The following PCDHGA6 variants were observed in gnomAD, a reference collection of about 807,000 sequenced individuals.
PCDHGA6 encodes protocadherin gamma subfamily A, 6.
PCDHGA6 carries 41 observed loss-of-function variants against 60.6 expected under a neutral mutation model. The observed-to-expected ratio is 0.68, with a 90% CI of 0.53 to 0.88. The LOEUF is 0.88. Ranked by LOEUF, PCDHGA6 falls within the 40% of genes least tolerant of loss-of-function variation. PCDHGA6 has a pLI of 0.00. For synonymous variants in PCDHGA6, 594 were observed against 524.4 expected, an observed-to-expected ratio of 1.13 and a Z score of -1.81; for missense variants, 1,312 against 1,203.0, an observed-to-expected ratio of 1.09 and a Z score of -1.34.
At chr5:141,399,728 G>A in intron 1 of PCDHGA6, 1 of 1,613,276 alleles carries the variant, frequency 6.2e-7, no homozygotes, top group East Asian at 2.2e-5. Flanking sequence ...CGCGACCAGG[G>A]CTCGCCTGCG....
At chr5:141,429,387 T>TTA (rs775632416) in intron 1 of PCDHGA6, among the ~76,000 whole-genome samples, 40 of 151,448 alleles carry the variant, frequency 2.6e-4, no homozygotes, top group African/African-American at 7.0e-4. Context: ...GTTTTTTTTT[T>TTA]AAAAAAAATT....
At chr5:141,397,842 G>T (rs7703108) in intron 1 of PCDHGA6, 79,958 of 516,008 alleles carry the variant, frequency 0.15, 7,302 homozygotes, top group African/African-American at 0.31. Flanking sequence ...ACTTGAAGCC[G>T]CAGAGGCTGT....
At chr5:141,443,952 A>T (rs1355073040) in intron 1 of PCDHGA6, among the ~76,000 whole-genome samples, 4 of 152,134 alleles carry the variant, frequency 2.6e-5, no homozygotes, top group Non-Finnish European at 4.4e-5. Context: ...CCTTATTGGT[A>T]TGTATTCTGT....
intron 1 of PCDHGA6, chr5:141,385,358 T>C (rs1470867728): frequency 6.5e-7 from 1 of 1,546,418 alleles, no homozygotes; most frequent in Non-Finnish European, 8.7e-7. Flanking sequence ...CCATGAGGAA[T>C]TTATTTGCAT....
chr5:141,379,107 T>G (rs74510444), intron 1 of PCDHGA6: 16 of 152,328 alleles, frequency 1.1e-4, no homozygotes, highest in African/African-American at 3.6e-4. Context: ...AAAAAGCAAT[T>G]GAGAAGATAC....
At position 141,470,884 on chromosome 5, in the gene PCDHGA6, G is replaced by T. The variant is rs2099243316; in HGVS notation, c.2425-23923G>T. 3.3e-5 allele frequency among the ~76,000 whole-genome samples: 5 copies of T among 151,648 alleles called. No individual in the cohort carries two copies. In the South Asian group the frequency reaches 1.0e-3, roughly 32 times the overall value. On this transcript the variant is annotated intron_variant, in intron 1 of 3. Coordinates refer to ENST00000517434, the MANE Select transcript of PCDHGA6 (RefSeq NM_018919.3). ...TTTGTTTGTTTGTTTTTTTGTTTTT[G>T]TTTTTGTTTTTTGTAGAGATGGGAC...
At chr5:141,441,398 G>A (rs1257981333) in intron 1 of PCDHGA6, 1 of 154,848 alleles carries the variant, frequency 6.5e-6, no homozygotes, top group Non-Finnish European at 1.4e-5. Context: ...TATAACATCA[G>A]CATCACTGCC....
Position 141,476,115 on chromosome 5 carries a change from A to G in PCDHGA6, c.2425-18692A>G. 1 of 1,592,814 alleles carries G rather than the reference A, an allele frequency of 6.3e-7. No homozygotes were observed. The highest frequency in any genetic ancestry group is 8.5e-7 in the Non-Finnish European group (1 of 1,171,734). On this transcript the variant is annotated intron_variant, in intron 1 of 3. Coordinates refer to ENST00000517434, the MANE Select transcript of PCDHGA6 (RefSeq NM_018919.3). This position sits in a 1 kb window ranked among gnomAD's most constrained non-coding sequence, Gnocchi z 7.6. ...CGCTGAGAGGAACTGCTTTTGAGTG[A>G]GATGGTCCCAGAGGCCTGGAGGAGC...
chr5:141,390,124 C>T (rs369369148), intron 1 of PCDHGA6: 24 of 1,613,924 alleles, frequency 1.5e-5, no homozygotes, highest in Non-Finnish European at 1.9e-5. Context: ...GGGACTTTGC[C>T]TTATTCCTAC....
In PCDHGA6 at chr5:141,442,072, C is replaced by G. The variant is rs1034351866; in HGVS notation, c.2425-52735C>G. On this transcript the variant is annotated intron_variant, in intron 1 of 3. Transcript: ENST00000517434. ...GTCGCGGTGCACTGCGGTGGACAGC[C>G]GCTCCTCTCGCTACCGCCACGTCAC... 17 of 175,092 alleles carry G rather than the reference C, an allele frequency of 9.7e-5. No homozygotes were observed. The South Asian group carries it at 1.5e-3, about 16-fold the overall frequency. 10.8% of individuals were successfully genotyped at this position (175,092 alleles called of 1,614,324 possible). A position where few individuals can be genotyped will look rare whatever the true frequency, so the allele number is the denominator to read the frequency against.
chr5:141,403,759 G>A (rs900084263), intron 1 of PCDHGA6: 2 of 1,613,794 alleles, frequency 1.2e-6, no homozygotes, highest in Non-Finnish European at 1.7e-6. Flanking sequence ...CCAGCGACCT[G>A]GATGAGGGAA....
chr5:141,408,921 C>T (rs1228341286), intron 1 of PCDHGA6: 2 of 1,613,462 alleles, frequency 1.2e-6, no homozygotes, highest in African/African-American at 1.3e-5. Flanking sequence ...GATAACCCCC[C>T]GGTTTTCAGC....
rs931838448 is a variant in PCDHGA6 at position 141,375,850 on chromosome 5, C to A, written c.1767C>A (p.Thr589=). 3 of 1,614,070 alleles carry A rather than the reference C, an allele frequency of 1.9e-6. No homozygotes were observed. Among genetic ancestry groups the A allele is most frequent in the East Asian group, 2.2e-5 (1 of 44,886 alleles). Residue 589 remains threonine, a synonymous_variant, in exon 1 of 4, where the codon ACC becomes ACA. Transcript: ENST00000517434. ...PRSAEPGYLV[T]KVVAVDRDSG... ...CCGCAGAGCCCGGCTACCTGGTGACCAAGGTGGTGGCGGTGGACAGAGACT... is the reference window on the plus strand; with the variant it reads ...CCGCAGAGCCCGGCTACCTGGTGACAAAGGTGGTGGCGGTGGACAGAGACT...
chr5:141,485,497 T>C lies in PCDHGA6; in HGVS notation c.2425-9310T>C, dbSNP rs1594488328. On this transcript the variant is annotated intron_variant, in intron 1 of 3. Coordinates refer to ENST00000517434, the MANE Select transcript of PCDHGA6 (RefSeq NM_018919.3). The surrounding 1 kb of genome is among the most constrained non-coding windows in gnomAD (Gnocchi z 5.7). ...CCAGCTGCATCGTGCCCCTGGAGTT[T>C]GTCACCGAAGGTCCTTTGGAAATGT... 6.2e-7 allele frequency: 1 copy of C among 1,614,112 alleles called. No homozygotes were observed. The highest frequency in any genetic ancestry group is 1.3e-5 in the African/African-American group (1 of 74,998).
chr5:141,376,315 A>T lies in PCDHGA6; in HGVS notation c.2232A>T (p.Glu744Asp). Reference sequence around the variant, plus strand: ...CCGGCTCGCACTTTGTGGGCGTGGAAGGGGTTCGGGCTTTCCTGCAGACCT... The same window carrying T: ...CCGGCTCGCACTTTGTGGGCGTGGATGGGGTTCGGGCTTTCCTGCAGACCT... ...SMPGSHFVGV[E>D]GVRAFLQTYS... The change falls in exon 1 of 4, where the codon GAA (glutamate) becomes GAT (aspartate). Residue 744 changes from glutamate to aspartate, a missense_variant. Glu to Asp is a conservative substitution (Grantham distance 45). Transcript: ENST00000517434. 1.2e-6 allele frequency: 2 copies of T among 1,614,178 alleles called. No individual in the cohort carries two copies. Among genetic ancestry groups the T allele is most frequent in the Non-Finnish European group, 1.7e-6 (2 of 1,180,028 alleles).
At chr5:141,464,264 A>G (rs1357786078) in intron 1 of PCDHGA6, among the ~76,000 whole-genome samples, 2 of 130,598 alleles carry the variant, frequency 1.5e-5, no homozygotes, top group East Asian at 4.2e-4. Flanking sequence ...GACTCCGTCT[A>G]AAAAAAAAAA....
At chr5:141,508,383 T>C (rs1169318572) in intron 3 of PCDHGA6, 1 of 152,236 alleles carries the variant, frequency 6.6e-6, no homozygotes, top group Non-Finnish European at 1.5e-5. Flanking sequence ...CTCAGATTTA[T>C]AGATGGGAAA....
Position 141,511,072 on chromosome 5 carries a change from A to C in PCDHGA6, c.2698A>C (p.Ser900Arg). The C allele has an allele frequency of 6.2e-7, 1 of 1,614,252 alleles. No individual in the cohort carries two copies. Among genetic ancestry groups the C allele is most frequent in the Non-Finnish European group, 8.5e-7 (1 of 1,180,034 alleles). Residue 900 changes from serine to arginine, a missense_variant, in exon 4 of 4, where the codon AGC (serine) becomes CGC (arginine). Ser to Arg is a moderately radical substitution (Grantham distance 110). Coordinates refer to ENST00000517434, the MANE Select transcript of PCDHGA6 (RefSeq NM_018919.3). ...CCGCCAGAATGTCTACATCCCAGGC[A>C]GCAATGCCACACTGACCAACGCAGC... ...DYRQNVYIPG[S>R]NATLTNAAGK...
At position 141,375,003 on chromosome 5, in the gene PCDHGA6, TA is replaced by T; in HGVS notation, c.921del (p.Asp308ThrfsTer27). The T allele has an allele frequency of 6.2e-7, 1 of 1,614,054 alleles. No individual in the cohort carries two copies. Among genetic ancestry groups the T allele is most frequent in the Non-Finnish European group, 8.5e-7 (1 of 1,179,902 alleles). The stretch of plus-strand genomic sequence containing the variant: ...GGAGAAATTTCAACTTCTGCAAATC[TA>T]GACTATGAGGACTCGAGTTTTTATG... ...LTGEISTSAN[L>X]DYEDSSFYEL... On this transcript the variant is annotated frameshift_variant, in exon 1 of 4. Coordinates refer to ENST00000517434, the MANE Select transcript of PCDHGA6 (RefSeq NM_018919.3). LOFTEE classifies it high-confidence loss of function.
Sources: gnomAD v4.1 joint callset for allele counts (sites outside exome capture counted in the v4.1 genomes callset) on GRCh38, gnomAD v4.1.1 for gene constraint, Gnocchi (gnomAD v3.1) non-coding constraint, MANE v1.5 for transcripts, NCBI Gene and HGNC (gene_info 2026-07-23, HGNC 2026-07-21) for gene names.